Variants in ZBTB45 observed in about 807,000 individuals in gnomAD.
ZBTB45 encodes the protein zinc finger and BTB domain-containing protein 45.
In ZBTB45, 22 loss-of-function variants were observed where a neutral mutation model predicts 28.4. The ratio of observed to expected loss-of-function variants is 0.77; its 90% CI spans 0.55 to 1.10. The LOEUF (loss-of-function observed/expected upper bound fraction) is 1.10. Among genes scored for constraint, ZBTB45 ranks in the 50% least tolerant of loss-of-function variants. ZBTB45 has a pLI of 0.00. For missense variants in ZBTB45, 656 were observed against 750.2 expected (o/e 0.87, Z 1.47); for synonymous variants, 361 against 332.3 (o/e 1.09, Z -0.94).
chr19:58,527,883 C>T (rs748401742), intron 1 of ZBTB45, among the ~76,000 whole-genome samples: 1 of 152,146 alleles, frequency 6.6e-6, no homozygotes, highest in Non-Finnish European at 1.5e-5. Context: ...AGGTGGATCA[C>T]CTGAGGTCAG....
intron 1 of ZBTB45, among the ~76,000 whole-genome samples, chr19:58,528,343 G>A (rs919211372): frequency 1.3e-5 from 2 of 151,972 alleles, no homozygotes; most frequent in Non-Finnish European, 2.9e-5. Context: ...TTGTTGGTGC[G>A]CTCTCGGGGT....
intron 1 of ZBTB45, among the ~76,000 whole-genome samples, chr19:58,537,522 C>T (rs2053666256): frequency 6.6e-6 from 1 of 152,214 alleles, no homozygotes; most frequent in East Asian, 1.9e-4. Context: ...ATCTAACATA[C>T]CCCAGACCCT....
At chr19:58,523,610 GC>G (rs1422013001), upstream of ZBTB45, among the ~76,000 whole-genome samples, 4 of 92 alleles carry the variant, frequency 0.043, no homozygotes, top group Non-Finnish European at 0.065. Context: ...GTTGCAGTGA[GC>G]CAGAGATCAG....
rs200258269 is a variant in ZBTB45, at chr19:58,516,995, C to T, written c.679G>A (p.Gly227Ser). 1.4e-5 allele frequency: 23 copies of T among 1,613,020 alleles called. No homozygotes were observed. Among genetic ancestry groups the T allele is most frequent in the South Asian group, 3.3e-5 (3 of 91,090 alleles). Residue 227 changes from glycine (G) to serine (S), a missense_variant, in exon 2 of 3, where the codon GGC becomes AGC. Gly to Ser is a moderately conservative substitution (Grantham distance 56). Around this residue, in one of 3 missense-constraint regions of ZBTB45, gnomAD observed 448 missense variants for 444.3 expected, o/e 1.01. Transcript: ENST00000594051. The surrounding 1 kb of genome is among the most constrained non-coding windows in gnomAD (Gnocchi z 6.2). The stretch of plus-strand genomic sequence containing the variant: ...GGAGGTGCCTGGCCCTCGCCTGGGC[C>T]GCCACCTTCGCCATCCTCGCCATCG... ...ETDGEDGEGG[G>S]PGEGQAPPSF...
intron 1 of ZBTB45, among the ~76,000 whole-genome samples, chr19:58,529,673 T>C (rs139908760): frequency 1.2e-4 from 18 of 152,348 alleles, no homozygotes; most frequent in Admixed American, 5.9e-4. Flanking sequence ...TTTTGTCACA[T>C]AGGTATACAC....
At position 58,516,655 on chromosome 19, in the gene ZBTB45, C is replaced by T. The variant is rs1448831454; in HGVS notation, c.1019G>A (p.Gly340Glu). Residue 340 changes from glycine to glutamate, a missense_variant, in exon 2 of 3, where the codon GGG becomes GAG. Coordinates refer to ENST00000594051, the MANE Select transcript of ZBTB45 (RefSeq NM_001316979.2). The surrounding 1 kb of genome is among the most constrained non-coding windows in gnomAD (Gnocchi z 6.2). ...ALFPFHLGAP[G>E]PPAPPPSAPS... ...TGCTGAAGGGGGTGGTGCGGGTGGC[C>T]CAGGGGCACCCAAGTGAAAGGGGAA... 4 of 1,563,216 alleles carry T rather than the reference C, an allele frequency of 2.6e-6. No individual in the cohort carries two copies. Among genetic ancestry groups the T allele is most frequent in the Non-Finnish European group, 2.6e-6 (3 of 1,153,958 alleles).
At chr19:58,525,610 G>T (rs1363156679) in intron 1 of ZBTB45, among the ~76,000 whole-genome samples, 1 of 152,206 alleles carries the variant, frequency 6.6e-6, no homozygotes, top group Non-Finnish European at 1.5e-5. Flanking sequence ...AGCCAGGGAG[G>T]TGGTAGAAGC....
At position 58,513,758 on chromosome 19, in the gene ZBTB45, CT is replaced by C; in HGVS notation, c.*295del. The C allele has an allele frequency of 3.0e-6, 1 of 338,598 alleles. No individual in the cohort carries two copies. The highest frequency in any genetic ancestry group is 5.3e-6 in the Non-Finnish European group (1 of 188,814). 21.0% of individuals were successfully genotyped at this position (338,598 alleles called of 1,614,324 possible). A position where few individuals can be genotyped will look rare whatever the true frequency, so the allele number is the denominator to read the frequency against. ...GGCGGGGTGAGAACCGGAGTCAAAT[CT>C]TGGGCCGGGTCCAAGCGCCTGAGCG... is the stretch of plus-strand genomic sequence containing the variant. On this transcript the variant is annotated 3_prime_UTR_variant, in exon 3 of 3. Coordinates refer to ENST00000594051, the MANE Select transcript of ZBTB45 (RefSeq NM_001316979.2).
At chr19:58,531,375 C>T (rs2053634951) in intron 1 of ZBTB45, among the ~76,000 whole-genome samples, 2 of 152,176 alleles carry the variant, frequency 1.3e-5, no homozygotes, top group African/African-American at 2.4e-5. Flanking sequence ...GTGTCATCAA[C>T]CCTAACGTGG....
At chr19:58,523,221 C>G (rs772647002), upstream of ZBTB45, among the ~76,000 whole-genome samples, 4 of 152,044 alleles carry the variant, frequency 2.6e-5, no homozygotes, top group Non-Finnish European at 5.9e-5. Flanking sequence ...GGTTATTTTC[C>G]TTTTCTCTCT....
chr19:58,514,018 CG>C lies in ZBTB45; in HGVS notation c.*35del. 7.3e-7 allele frequency: 1 copy of C among 1,376,210 alleles called. No homozygotes were observed. The highest frequency in any genetic ancestry group is 1.7e-5 in the South Asian group (1 of 60,068). The allele number at this position is 1,376,210 out of a possible 1,614,324, so 85.2% of individuals were successfully genotyped here. On this transcript the variant is annotated 3_prime_UTR_variant, in exon 3 of 3. Transcript: ENST00000594051. Reference sequence around the variant, plus strand: ...GCGTGGCCGACTGTGCGGGAGGCCCCGGATCCACCGTGGGCGAGGCCAGGCC... The same window carrying C: ...GCGTGGCCGACTGTGCGGGAGGCCCCGATCCACCGTGGGCGAGGCCAGGCC...
chr19:58,528,118 G>A (rs2053617135), intron 1 of ZBTB45, among the ~76,000 whole-genome samples: 4 of 152,168 alleles, frequency 2.6e-5, no homozygotes, highest in Admixed American at 2.0e-4. Flanking sequence ...TGCCAGCAAC[G>A]TGCATCAGCA....
At chr19:58,526,510 G>GTTA (rs778782600) in intron 1 of ZBTB45, among the ~76,000 whole-genome samples, 46 of 70,120 alleles carry the variant, frequency 6.6e-4, no homozygotes, top group African/African-American at 8.6e-4. Flanking sequence ...ACGCCTGGCT[G>GTTA]TTATTATTAT....
chr19:58,514,349 T>A, intron 2 of ZBTB45, 39 bp from the exon 3 acceptor site: 1 of 1,537,172 alleles, frequency 6.5e-7, no homozygotes, highest in Non-Finnish European at 8.8e-7. Context: ...CAAGTCAGAC[T>A]CTACAGCTCC....
chr19:58,516,910 T>C lies in ZBTB45; in HGVS notation c.764A>G (p.Glu255Gly), dbSNP rs2053508958. 3.1e-6 allele frequency: 5 copies of C among 1,613,106 alleles called. No individual in the cohort carries two copies. The highest frequency in any genetic ancestry group is 4.2e-6 in the Non-Finnish European group (5 of 1,180,002). ...LTAAADSACEEPPAPTGLADY... is the reference protein window; with the variant it reads ...LTAAADSACEGPPAPTGLADY... Reference sequence around the variant, plus strand: ...AGCGAGGCCAGTGGGTGCAGGGGGCTCCTCGCACGCGCTGTCAGCAGCAGC... The same window carrying C: ...AGCGAGGCCAGTGGGTGCAGGGGGCCCCTCGCACGCGCTGTCAGCAGCAGC... The change falls in exon 2 of 3, where the codon GAG becomes GGG. Residue 255 changes from glutamate (E) to glycine (G), a missense_variant. Around this residue, in one of 3 missense-constraint regions of ZBTB45, gnomAD observed 448 missense variants for 444.3 expected, o/e 1.01. Coordinates refer to ENST00000594051, the MANE Select transcript of ZBTB45 (RefSeq NM_001316979.2). The surrounding 1 kb of genome is among the most constrained non-coding windows in gnomAD (Gnocchi z 6.2).
rs571138122 is a variant in ZBTB45 at position 58,517,444 on chromosome 19, G to A, written c.230C>T (p.Ala77Val). ...CTCTACCAGCTGTCGCACTGTCTGCGCGGGCACCACCGGAGGCACACGGAT... is the reference window on the plus strand; with the variant it reads ...CTCTACCAGCTGTCGCACTGTCTGCACGGGCACCACCGGAGGCACACGGAT... The part of the protein sequence containing the change: ...SEIRVPPVVP[A>V]QTVRQLVEFL... The change falls in exon 2 of 3, where the codon GCG becomes GTG. Residue 77 changes from alanine to valine, a missense_variant. This residue lies in a region of ZBTB45 where 105 missense variants were observed against 152.4 expected (regional missense o/e 0.69). Transcript: ENST00000594051. 3.3e-5 allele frequency: 54 copies of A among 1,612,898 alleles called. No individual in the cohort carries two copies. Among genetic ancestry groups the A allele is most frequent in the South Asian group, 2.9e-4 (26 of 91,076 alleles).
rs535388462 is a variant in ZBTB45, at chr19:58,515,909, C to G, written c.1279+486G>C. On this transcript the variant is annotated intron_variant, in intron 2 of 2. Transcript: ENST00000594051. The surrounding 1 kb of genome is among the most constrained non-coding windows in gnomAD (Gnocchi z 4.7). ...TACCTATGTTTTCCTACTCATGCCC[C>G]AGTCTCAGGAGTTCCTGGGGCCTTC... 6.6e-5 allele frequency among the ~76,000 whole-genome samples: 10 copies of G among 152,272 alleles called. No homozygotes were observed. The East Asian group carries it at 1.7e-3, about 26-fold the overall frequency.
Position 58,516,428 on chromosome 19 carries a change from TC to T in ZBTB45, c.1245del (p.Asn417ThrfsTer132). 6.2e-7 allele frequency: 1 copy of T among 1,613,964 alleles called. No homozygotes were observed. The highest frequency in any genetic ancestry group is 8.5e-7 in the Non-Finnish European group (1 of 1,179,872). ...CSHCRKTFSS[R>X]KNYTKHMFIH... is the part of the protein sequence containing the mutation. Reference sequence around the variant, plus strand: ...ATGAACATGTGCTTGGTGTAGTTTTTCCGGGAGCTGAACGTCTTGCGACAGT... The same window carrying T: ...ATGAACATGTGCTTGGTGTAGTTTTTCGGGAGCTGAACGTCTTGCGACAGT... On this transcript the variant is annotated frameshift_variant, in exon 2 of 3. Coordinates refer to ENST00000594051, the MANE Select transcript of ZBTB45 (RefSeq NM_001316979.2). LOFTEE classifies it high-confidence loss of function. This position sits in a 1 kb window ranked among gnomAD's most constrained non-coding sequence, Gnocchi z 6.2.
In ZBTB45 at chr19:58,517,233, C is replaced by CA. The variant is rs1170750719; in HGVS notation, c.440_441insT (p.Gln148AlafsTer25). 5 of 1,596,990 alleles carry CA rather than the reference C, an allele frequency of 3.1e-6. No individual in the cohort carries two copies. The highest frequency in any genetic ancestry group is 3.4e-6 in the Non-Finnish European group (4 of 1,173,914). On this transcript the variant is annotated frameshift_variant, in exon 2 of 3. Transcript: ENST00000594051. LOFTEE classifies it high-confidence loss of function. ...GGTGGCGCAGGCGGTGACGCAGCTG[C>CA]GCAGGTGCGAGTGGCGGGGGCACAG...
Sources: allele counts gnomAD v4.1 joint callset (sites outside exome capture counted in the v4.1 genomes callset), GRCh38; gene constraint gnomAD v4.1.1; regional missense constraint gnomAD v4.1.1; non-coding constraint Gnocchi (gnomAD v3.1); transcripts MANE v1.5; gene names NCBI Gene and HGNC (gene_info 2026-07-23, HGNC 2026-07-21).